Variants in BCL11A observed in about 807,000 individuals in gnomAD.
The protein encoded by BCL11A is BCL11 transcription factor A.
BCL11A carries 2 observed loss-of-function variants against 55.9 expected under a neutral mutation model. The ratio of observed to expected loss-of-function variants is 0.04; its 90% CI spans 0.01 to 0.11. The LOEUF is 0.11. Ranked by LOEUF, BCL11A falls within the 10% of genes least tolerant of loss-of-function variation. The pLI is 1.00. For synonymous variants in BCL11A, 465 were observed against 473.4 expected (o/e 0.98, Z 0.23); for missense variants, 817 against 1,137.1 (o/e 0.72, Z 4.05).
At chr2:60,511,511 T>C (rs1191434099) in intron 2 of BCL11A, among the ~76,000 whole-genome samples, 1 of 152,256 alleles carries the variant, frequency 6.6e-6, no homozygotes, top group African/African-American at 2.4e-5. Context: ...AATGCTAATA[T>C]TTCCCTCTGA....
At chr2:60,462,889 G>A (rs1318598289) in intron 3 of BCL11A, among the ~76,000 whole-genome samples, 2 of 152,202 alleles carry the variant, frequency 1.3e-5, no homozygotes, top group Non-Finnish European at 2.9e-5. Context: ...CCCCCTGGGT[G>A]ACAGGTGAAC....
chr2:60,519,967 C>T (rs148435495), intron 2 of BCL11A, among the ~76,000 whole-genome samples: 22 of 152,310 alleles, frequency 1.4e-4, no homozygotes, highest in Non-Finnish European at 2.6e-4. Context: ...TCTCCCCTCT[C>T]TCTGGCAGGA....
Position 60,553,355 on chromosome 2 carries a change from G to C in BCL11A, c.-85C>G. On this transcript the variant is annotated 5_prime_UTR_variant, in exon 1 of 4. Transcript: ENST00000642384. ...GGTTCACATCGGGAGAGCCGGGTTAGAAAGAAGGAGACTCCAGAGAAAATA... is the reference window on the plus strand; with the variant it reads ...GGTTCACATCGGGAGAGCCGGGTTACAAAGAAGGAGACTCCAGAGAAAATA... 7.3e-7 allele frequency: 1 copy of C among 1,378,058 alleles called. No homozygotes were observed. Among genetic ancestry groups the C allele is most frequent in the Non-Finnish European group, 9.9e-7 (1 of 1,011,124 alleles). 85.4% of individuals were successfully genotyped at this position (1,378,058 alleles called of 1,614,324 possible).
At chr2:60,519,997 C>T (rs1333775475) in intron 2 of BCL11A, among the ~76,000 whole-genome samples, 1 of 152,156 alleles carries the variant, frequency 6.6e-6, no homozygotes, top group African/African-American at 2.4e-5. Context: ...CACTGGCAAG[C>T]AATTATTGTA....
rs1351121624 is a variant in BCL11A at position 60,458,759 on chromosome 2, C to T, written c.*1645G>A. ...TATCTGAGCAGGTTTATTTTATACT[C>T]AACCTCTGTATCTCTGATTAGAGAA... On this transcript the variant is annotated 3_prime_UTR_variant, in exon 4 of 4. Coordinates refer to ENST00000642384, the MANE Select transcript of BCL11A (RefSeq NM_022893.4). The T allele has an allele frequency of 9.7e-7, 1 of 1,032,576 alleles. No individual in the cohort carries two copies. Among genetic ancestry groups the T allele is most frequent in the Non-Finnish European group, 1.2e-6 (1 of 857,772 alleles). The allele number at this position is 1,032,576 out of a possible 1,614,324, so 64.0% of individuals were successfully genotyped here.
chr2:60,459,895 A>G lies in BCL11A; in HGVS notation c.*509T>C, dbSNP rs996273627. 4.7e-6 allele frequency: 5 copies of G among 1,053,118 alleles called. No individual in the cohort carries two copies. The highest frequency in any genetic ancestry group is 5.4e-5 in the East Asian group (1 of 18,370). The allele number at this position is 1,053,118 out of a possible 1,614,324, so 65.2% of individuals were successfully genotyped here. On this transcript the variant is annotated 3_prime_UTR_variant, in exon 4 of 4. Transcript: ENST00000642384. ...TCCTCACGTTATAAAATAAAACTGT[A>G]CATGATATGTATTACAGAATGTATG...
At chr2:60,496,917 C>G (rs547921717) in intron 2 of BCL11A, among the ~76,000 whole-genome samples, 1 of 152,308 alleles carries the variant, frequency 6.6e-6, no homozygotes, top group Middle Eastern at 3.4e-3. Flanking sequence ...GACCCATTTC[C>G]CCATGGACAG....
At chr2:60,505,290 G>A (rs1459492970) in intron 2 of BCL11A, among the ~76,000 whole-genome samples, 1 of 152,194 alleles carries the variant, frequency 6.6e-6, no homozygotes, top group Non-Finnish European at 1.5e-5. Flanking sequence ...CGGCTTCAAG[G>A]GTGTCCTTTG....
chr2:60,485,633 G>T (rs1396180826), intron 2 of BCL11A, among the ~76,000 whole-genome samples: 1 of 152,180 alleles, frequency 6.6e-6, no homozygotes, highest in African/African-American at 2.4e-5. Context: ...TGAATATTAG[G>T]TTCCTGGGAA....
chr2:60,480,021 G>T (rs891376115), intron 2 of BCL11A, among the ~76,000 whole-genome samples: 4 of 152,154 alleles, frequency 2.6e-5, no homozygotes, highest in African/African-American at 9.7e-5. Flanking sequence ...TGCATTTATG[G>T]CCTGCGGCTC....
In BCL11A at chr2:60,460,966, A is replaced by T; in HGVS notation, c.1946T>A (p.Met649Lys). ...CGAGTACACGTTCTCCGTGTTGGGC[A>T]TCGCGGCCGGGGGCAGGTCGAACTC... ...EKEFDLPPAA[M>K]PNTENVYSQW... Residue 649 changes from methionine to lysine, a missense_variant, in exon 4 of 4, where the codon ATG becomes AAG. Around this residue, in one of 4 missense-constraint regions of BCL11A, gnomAD observed 379 missense variants for 425.3 expected, o/e 0.89. Coordinates refer to ENST00000642384, the MANE Select transcript of BCL11A (RefSeq NM_022893.4). The T allele has an allele frequency of 3.1e-6, 5 of 1,611,234 alleles. No individual in the cohort carries two copies. The highest frequency in any genetic ancestry group is 4.2e-6 in the Non-Finnish European group (5 of 1,178,616).
chr2:60,485,447 T>G (rs1452603287), intron 2 of BCL11A, among the ~76,000 whole-genome samples: 1 of 152,252 alleles, frequency 6.6e-6, no homozygotes, highest in Non-Finnish European at 1.5e-5. Flanking sequence ...ATGTCCTCCA[T>G]GCCTTTAAGC....
intron 1 of BCL11A, among the ~76,000 whole-genome samples, chr2:60,550,574 G>C (rs901878649): frequency 5.3e-5 from 8 of 151,924 alleles, no homozygotes; most frequent in Non-Finnish European, 1.0e-4. Flanking sequence ...GCGGGGGGGT[G>C]GTACTGAGGA....
At chr2:60,487,479 G>A (rs113246803) in intron 2 of BCL11A, among the ~76,000 whole-genome samples, 59 of 152,224 alleles carry the variant, frequency 3.9e-4, no homozygotes, top group African/African-American at 1.2e-3. Context: ...TCCTTCTGGA[G>A]GGCTATAAAT....
At chr2:60,473,349 A>T (rs1052556076) in intron 2 of BCL11A, among the ~76,000 whole-genome samples, 1 of 151,970 alleles carries the variant, frequency 6.6e-6, no homozygotes, top group African/African-American at 2.4e-5. Context: ...TGGGTCTTCA[A>T]AAAGAGAATG....
Position 60,460,540 on chromosome 2 carries a change from G to A in BCL11A, c.2372C>T (p.Thr791Met). Residue 791 changes from threonine to methionine, a missense_variant, in exon 4 of 4, where the codon ACG (threonine) becomes ATG (methionine). By Grantham distance (81) the Thr-to-Met change is moderately conservative (BLOSUM62 -1). Around this residue, in one of 4 missense-constraint regions of BCL11A, gnomAD observed 30 missense variants for 116.3 expected, o/e 0.26. Coordinates refer to ENST00000642384, the MANE Select transcript of BCL11A (RefSeq NM_022893.4). ...QSSKLTRHMKTHGQVGKDVYK... is the reference protein window; with the variant it reads ...QSSKLTRHMKMHGQVGKDVYK... ...AACGTCCTTCCCCACCTGGCCATGC[G>A]TTTTCATGTGCCTGGTGAGCTTGCT... 6.2e-7 allele frequency: 1 copy of A among 1,614,142 alleles called. No individual in the cohort carries two copies.
chr2:60,505,953 T>C (rs1217062227), intron 2 of BCL11A, among the ~76,000 whole-genome samples: 3 of 152,182 alleles, frequency 2.0e-5, no homozygotes, highest in African/African-American at 7.2e-5. Flanking sequence ...CCAGATGCTG[T>C]GGAGATGGCA....
At chr2:60,477,750 C>T (rs1558629205) in intron 2 of BCL11A, among the ~76,000 whole-genome samples, 4 of 152,080 alleles carry the variant, frequency 2.6e-5, no homozygotes. Flanking sequence ...TGTGGGCAGC[C>T]CCAGCGACAC....
chr2:60,454,159 A>G (rs1339294625), downstream of BCL11A, among the ~76,000 whole-genome samples: 1 of 152,188 alleles, frequency 6.6e-6, no homozygotes, highest in Non-Finnish European at 1.5e-5. Context: ...GCCAGCAAGC[A>G]GAAGTGCAGA....
Sources: gnomAD v4.1 joint callset for allele counts (sites outside exome capture counted in the v4.1 genomes callset) on GRCh38, gnomAD v4.1.1 for gene constraint, gnomAD v4.1.1 regional missense constraint, MANE v1.5 for transcripts, NCBI Gene and HGNC (gene_info 2026-07-23, HGNC 2026-07-21) for gene names.